PDLIM5: variants seen among roughly 807,000 people sequenced by gnomAD.
PDLIM5 encodes the protein PDZ and LIM domain 5.
PDLIM5 carries 34 observed loss-of-function variants against 64.2 expected under a neutral mutation model. The ratio of observed to expected loss-of-function variants is 0.53; its 90% CI spans 0.40 to 0.71. The LOEUF is 0.71. Among genes scored for constraint, PDLIM5 ranks in the 30% least tolerant of loss-of-function variants. PDLIM5 has a pLI of 0.00. For synonymous variants in PDLIM5, 253 were observed against 269.1 expected (o/e 0.94, Z 0.59); for missense variants, 683 against 733.6 (o/e 0.93, Z 0.80).
intron 3 of PDLIM5, among the ~76,000 whole-genome samples, chr4:94,525,910 C>T (rs1730312184): frequency 6.6e-6 from 1 of 152,112 alleles, no homozygotes; most frequent in Non-Finnish European, 1.5e-5. Flanking sequence ...TTCTTCTGTT[C>T]TCTATATTGA....
rs770979082 is a variant in PDLIM5, at chr4:94,585,718, G to A, written c.864G>A (p.Gln288=). ...TQSRSFRILA[Q]ITGTEHLKES... ...CTCGCTCTTTCCGAATCCTTGCCCA[G>A]ATCACTGGGACTGAACATTGTAAGT... The change falls in exon 6 of 13, where the codon CAG becomes CAA. Residue 288 remains glutamine (Q), a synonymous_variant. Coordinates refer to ENST00000317968, the MANE Select transcript of PDLIM5 (RefSeq NM_006457.5). 6.2e-7 allele frequency: 1 copy of A among 1,613,740 alleles called. No homozygotes were observed. The highest frequency in any genetic ancestry group is 8.5e-7 in the Non-Finnish European group (1 of 1,179,764).
At chr4:94,578,278 AT>A (rs1409008093) in intron 5 of PDLIM5, among the ~76,000 whole-genome samples, 2 of 152,176 alleles carry the variant, frequency 1.3e-5, no homozygotes, top group African/African-American at 4.8e-5. Flanking sequence ...AAAGCTTATT[AT>A]TTTTAAACTG....
At chr4:94,485,629 C>T (rs1726244098) in intron 2 of PDLIM5, among the ~76,000 whole-genome samples, 1 of 151,274 alleles carries the variant, frequency 6.6e-6, no homozygotes, top group Admixed American at 6.6e-5. Flanking sequence ...GTCAGGAGTT[C>T]AAGACCAGCC....
intron 2 of PDLIM5, among the ~76,000 whole-genome samples, chr4:94,484,950 C>G (rs1264302662): frequency 6.6e-6 from 1 of 152,032 alleles, no homozygotes; most frequent in East Asian, 1.9e-4. Context: ...AGTAATTGGA[C>G]AATAAGTTGT....
chr4:94,479,679 C>G (rs1034402240), intron 2 of PDLIM5, among the ~76,000 whole-genome samples: 21 of 152,140 alleles, frequency 1.4e-4, no homozygotes, highest in Non-Finnish European at 2.9e-4. Context: ...TGATGAGAAA[C>G]TAAACCATTC....
At chr4:94,507,130 C>T (rs552283847) in intron 2 of PDLIM5, among the ~76,000 whole-genome samples, 2 of 152,220 alleles carry the variant, frequency 1.3e-5, no homozygotes, top group South Asian at 4.2e-4. Context: ...TGAGCCACTA[C>T]TGGCTTCTTT....
At chr4:94,631,614 A>G (rs898916316) in intron 8 of PDLIM5, among the ~76,000 whole-genome samples, 1 of 152,232 alleles carries the variant, frequency 6.6e-6, no homozygotes, top group African/African-American at 2.4e-5. Context: ...CTCTGACTTC[A>G]TATTTTAATG....
At chr4:94,524,230 G>T (rs1157638262) in intron 3 of PDLIM5, among the ~76,000 whole-genome samples, 1 of 151,862 alleles carries the variant, frequency 6.6e-6, no homozygotes, top group Non-Finnish European at 1.5e-5. Flanking sequence ...TTAGCCAGGC[G>T]TGGTGGCGTG....
intron 12 of PDLIM5, 40 bp from the exon 13 acceptor site, chr4:94,663,938 C>T: frequency 1.3e-6 from 2 of 1,578,348 alleles, no homozygotes; most frequent in Non-Finnish European, 1.7e-6. Flanking sequence ...CTCTTAATAT[C>T]CTCTTAAATA....
Position 94,599,904 on chromosome 4 carries a change from A to G in PDLIM5, c.920+13460A>G, listed in dbSNP as rs1737357539. On this transcript the variant is annotated intron_variant, in intron 7 of 12. Coordinates refer to ENST00000317968, the MANE Select transcript of PDLIM5 (RefSeq NM_006457.5). Reference sequence around the variant, plus strand: ...GAATAAGGCATATGAAAGAAAAAGCAACATCTGTTTGAAGAGACTGTAAAG... The same window carrying G: ...GAATAAGGCATATGAAAGAAAAAGCGACATCTGTTTGAAGAGACTGTAAAG... 2.0e-5 allele frequency among the ~76,000 whole-genome samples: 3 copies of G among 152,220 alleles called. No individual in the cohort carries two copies. In the South Asian group the frequency reaches 6.2e-4, roughly 31 times the overall value.
At chr4:94,455,485 A>G in intron 2 of PDLIM5, 101 bp downstream of exon 2, 2 of 802,358 alleles carry the variant, frequency 2.5e-6, no homozygotes, top group Non-Finnish European at 4.3e-6. Flanking sequence ...ACTTATTATC[A>G]TTGCTCCTGG....
At chr4:94,554,736 G>C (rs1733120671) in intron 3 of PDLIM5, among the ~76,000 whole-genome samples, 1 of 151,688 alleles carries the variant, frequency 6.6e-6, no homozygotes, top group Non-Finnish European at 1.5e-5. Context: ...AAAGTTTGCT[G>C]TCATAGTATA....
chr4:94,556,071 A>C (rs1217447754), intron 3 of PDLIM5, among the ~76,000 whole-genome samples: 1 of 144,532 alleles, frequency 6.9e-6, no homozygotes, highest in African/African-American at 2.6e-5. Context: ...CCACCCCACA[A>C]CAGGCCCCGG....
intron 2 of PDLIM5, among the ~76,000 whole-genome samples, chr4:94,481,290 C>CTTT (rs35147211): frequency 7.7e-6 from 1 of 129,636 alleles, no homozygotes; most frequent in Non-Finnish European, 1.6e-5. Flanking sequence ...CAGCTTATTC[C>CTTT]TTTTTTTTTT....
At chr4:94,455,459 T>A (rs576756785) in intron 2 of PDLIM5, 75 bp downstream of exon 2, 1 of 911,522 alleles carries the variant, frequency 1.1e-6, no homozygotes, top group South Asian at 1.4e-5. Context: ...TTTAATTCTC[T>A]GTTGACCTGT....
rs115933468 is a variant in PDLIM5 at position 94,658,428 on chromosome 4, A to G, written c.1585+881A>G. 4.9e-3 allele frequency among the ~76,000 whole-genome samples: 744 copies of G among 152,326 alleles called. 7 individuals carry two copies. Among genetic ancestry groups the G allele is most frequent in the African/African-American group, 0.017 (717 of 41,582 alleles). On this transcript the variant is annotated intron_variant, in intron 11 of 12. Transcript: ENST00000317968. ...CAAAGTCTGTAAGTGAACTTTTATAACATTTATTAATAGTGCCCTTACTTA... is the reference window on the plus strand; with the variant it reads ...CAAAGTCTGTAAGTGAACTTTTATAGCATTTATTAATAGTGCCCTTACTTA...
chr4:94,527,026 C>T (rs192520468), intron 3 of PDLIM5, among the ~76,000 whole-genome samples: 19 of 144,382 alleles, frequency 1.3e-4, no homozygotes, highest in Non-Finnish European at 2.3e-4. Flanking sequence ...TGAGCCATTG[C>T]GCCCGGCCTG....
At chr4:94,588,668 G>A (rs1736440673) in intron 7 of PDLIM5, among the ~76,000 whole-genome samples, 1 of 152,196 alleles carries the variant, frequency 6.6e-6, no homozygotes, top group South Asian at 2.1e-4. Context: ...AGTATCCTAT[G>A]TGAGTAACAT....
intron 3 of PDLIM5, among the ~76,000 whole-genome samples, chr4:94,570,344 GA>G (rs528771041): frequency 8.5e-4 from 129 of 151,892 alleles, no homozygotes; most frequent in African/African-American, 2.7e-3. Context: ...CTCTCTGTAG[GA>G]AAAAAAGATG....
Sources: gnomAD v4.1 joint callset for allele counts (sites outside exome capture counted in the v4.1 genomes callset) on GRCh38, gnomAD v4.1.1 for gene constraint, MANE v1.5 for transcripts, NCBI Gene and HGNC (gene_info 2026-07-23, HGNC 2026-07-21) for gene names.